The following AGAP1 variants were observed in gnomAD, a reference collection of about 807,000 sequenced individuals.
The protein encoded by AGAP1 is ArfGAP with GTPase domain, ankyrin repeat and PH domain 1.
A neutral mutation model predicts 105.3 loss-of-function variants in AGAP1; 29 were observed. The observed-to-expected ratio is 0.28, with a 90% CI of 0.21 to 0.38. The LOEUF (loss-of-function observed/expected upper bound fraction) is 0.38, where lower values mean the gene tolerates loss of function less well. AGAP1 is among the 10% of genes least tolerant of loss of function. The probability of loss-of-function intolerance (pLI) is 1.00; values close to 1 mark genes in which losing one functional copy is unlikely to be tolerated. For synonymous variants in AGAP1, 509 were observed against 485.9 expected (o/e 1.05, Z -0.63); for missense variants, 998 against 1,165.1 (o/e 0.86, Z 2.09).
At chr2:235,929,859 T>G (rs1340340875) in intron 11 of AGAP1, among the ~76,000 whole-genome samples, 4 of 152,248 alleles carry the variant, frequency 2.6e-5, no homozygotes, top group African/African-American at 9.6e-5. Context: ...GTATTTATTA[T>G]AAAATCCTGC....
rs568575622 is a variant in AGAP1 at position 235,970,095 on chromosome 2, G to A, written c.1645+1472G>A. ...CACATGCCTGTAATCCCAGCTACCT[G>A]AGAGGCTGAGGCAGGAGCATTGATT... On this transcript the variant is annotated intron_variant, in intron 13 of 17. Coordinates refer to ENST00000304032, the MANE Select transcript of AGAP1 (RefSeq NM_001037131.3). The surrounding 1 kb of genome is among the most constrained non-coding windows in gnomAD (Gnocchi z 5.4). Among the ~76,000 whole-genome samples the A allele has an allele frequency of 2.0e-5, 3 of 151,574 alleles. No homozygotes were observed. The highest frequency in any genetic ancestry group is 4.2e-4 in the South Asian group (2 of 4,754).
intron 5 of AGAP1, among the ~76,000 whole-genome samples, chr2:235,745,170 T>A (rs1317568657): frequency 6.6e-6 from 1 of 152,216 alleles, no homozygotes; most frequent in Non-Finnish European, 1.5e-5. Context: ...ATATATATAT[T>A]TTCTGCTATA....
At chr2:235,790,116 A>G (rs1163782605) in intron 6 of AGAP1, among the ~76,000 whole-genome samples, 3 of 152,194 alleles carry the variant, frequency 2.0e-5, no homozygotes, top group Admixed American at 2.0e-4. Flanking sequence ...GGCAAAAAAA[A>G]TGATGAAAGC....
chr2:235,662,517 ATTTTTT>A lies in AGAP1; in HGVS notation c.164-46648_164-46643del, dbSNP rs66689239. On this transcript the variant is annotated intron_variant, in intron 1 of 17. Coordinates refer to ENST00000304032, the MANE Select transcript of AGAP1 (RefSeq NM_001037131.3). This position sits in a 1 kb window ranked among gnomAD's most constrained non-coding sequence, Gnocchi z 4.2. The stretch of plus-strand genomic sequence containing the variant: ...CTGTCTGCCTTCATGGAAGTTGGTG[ATTTTTT>A]TTTTTTTTTTTTTGGCTCTGTTGCC... Among the ~76,000 whole-genome samples, 1 of 124,616 alleles carries A rather than the reference ATTTTTT, an allele frequency of 8.0e-6. No individual in the cohort carries two copies. 81.8% of individuals were successfully genotyped at this position (124,616 alleles called of 152,430 possible).
intron 13 of AGAP1, among the ~76,000 whole-genome samples, chr2:236,024,626 G>C (rs1034838268): frequency 6.6e-6 from 1 of 152,064 alleles, no homozygotes; most frequent in Non-Finnish European, 1.5e-5. Context: ...AATTGATGAC[G>C]GATTGGCCCA....
chr2:235,893,594 G>T lies in AGAP1; in HGVS notation c.1155+10145G>T, dbSNP rs972683296. ...GGTGCGCCGTGTCCGTCATGCAGAT[G>T]TGCCTTCATGGCCCTCCCTGATTCC... On this transcript the variant is annotated intron_variant, in intron 10 of 17. Coordinates refer to ENST00000304032, the MANE Select transcript of AGAP1 (RefSeq NM_001037131.3). This position sits in a 1 kb window ranked among gnomAD's most constrained non-coding sequence, Gnocchi z 4.7. Among the ~76,000 whole-genome samples the T allele has an allele frequency of 3.9e-5, 6 of 152,204 alleles. No individual in the cohort carries two copies. Among genetic ancestry groups the T allele is most frequent in the African/African-American group, 1.4e-4 (6 of 41,448 alleles).
At chr2:235,850,163 G>A (rs1042228880) in intron 9 of AGAP1, among the ~76,000 whole-genome samples, 4 of 152,160 alleles carry the variant, frequency 2.6e-5, no homozygotes, top group Non-Finnish European at 4.4e-5. Flanking sequence ...GTTAGTAACC[G>A]GACGACGTTA....
At chr2:236,081,386 C>T (rs377660740) in intron 16 of AGAP1, among the ~76,000 whole-genome samples, 3 of 152,162 alleles carry the variant, frequency 2.0e-5, no homozygotes, top group South Asian at 4.2e-4. Context: ...GGCCGGGGTG[C>T]GTGTCTGAAC....
chr2:235,791,834 A>G (rs115949359), intron 6 of AGAP1, among the ~76,000 whole-genome samples: 2 of 152,224 alleles, frequency 1.3e-5, no homozygotes, highest in Non-Finnish European at 2.9e-5. Flanking sequence ...GGTGTGAGCC[A>G]GCTCACCCAG....
rs959451427 is a variant in AGAP1, at chr2:235,692,187, C to T, written c.164-16992C>T. Among the ~76,000 whole-genome samples the T allele has an allele frequency of 1.3e-5, 2 of 152,112 alleles. No homozygotes were observed. Among genetic ancestry groups the T allele is most frequent in the African/African-American group, 4.8e-5 (2 of 41,434 alleles). On this transcript the variant is annotated intron_variant, in intron 1 of 17. Coordinates refer to ENST00000304032, the MANE Select transcript of AGAP1 (RefSeq NM_001037131.3). The surrounding 1 kb of genome is among the most constrained non-coding windows in gnomAD (Gnocchi z 5.8). ...GCCGGGGGCTCCCTGGCAGATGCCC[C>T]TACCTGGCCAGGTCTCGTCGTGTCT...
chr2:235,827,701 G>A (rs916857362), intron 9 of AGAP1, among the ~76,000 whole-genome samples: 20 of 152,148 alleles, frequency 1.3e-4, no homozygotes, highest in African/African-American at 4.8e-4. Flanking sequence ...AATCGTCACC[G>A]GCATTGAACT....
chr2:235,671,027 G>T (rs1191650524), intron 1 of AGAP1: 3 of 1,301,050 alleles, frequency 2.3e-6, no homozygotes, highest in African/African-American at 3.1e-5. Context: ...CTCGTCCAGC[G>T]CCGAGAGCAT....
intron 4 of AGAP1, among the ~76,000 whole-genome samples, chr2:235,743,027 C>T (rs1202324944): frequency 5.9e-5 from 9 of 152,222 alleles, no homozygotes; most frequent in Admixed American, 1.3e-4. Flanking sequence ...ATTAGCCAGG[C>T]GTGGTGGCAC....
chr2:235,915,262 T>C (rs998495292), intron 11 of AGAP1, among the ~76,000 whole-genome samples: 45 of 152,302 alleles, frequency 3.0e-4, no homozygotes, highest in African/African-American at 1.1e-3. Context: ...GAAGGATAAC[T>C]GATCTTAGTA....
At chr2:235,523,503 G>C (rs1227760087) in intron 1 of AGAP1, among the ~76,000 whole-genome samples, 2 of 152,166 alleles carry the variant, frequency 1.3e-5, no homozygotes, top group African/African-American at 4.8e-5. Context: ...TGCCTGGCAG[G>C]GTCAGCTGCT....
chr2:235,732,291 T>TC lies in AGAP1; in HGVS notation c.311-8671dup, dbSNP rs1951996279. 6.6e-6 allele frequency among the ~76,000 whole-genome samples: 1 copy of TC among 152,234 alleles called. No individual in the cohort carries two copies. The highest frequency in any genetic ancestry group is 2.1e-4 in the South Asian group (1 of 4,828). On this transcript the variant is annotated intron_variant, in intron 3 of 17. Transcript: ENST00000304032. This position sits in a 1 kb window ranked among gnomAD's most constrained non-coding sequence, Gnocchi z 4.8. Reference sequence around the variant, plus strand: ...TTTAATCTCATTGACTGTGTCTGTTTCAAGCCATTCCTCTGTGTCAGAAAC... The same window carrying TC: ...TTTAATCTCATTGACTGTGTCTGTTTCCAAGCCATTCCTCTGTGTCAGAAAC...
chr2:235,670,912 C>T lies in AGAP1; in HGVS notation c.164-38267C>T, dbSNP rs1049712351. On this transcript the variant is annotated intron_variant, in intron 1 of 17. Transcript: ENST00000304032. ...GGCTGCTGCGCTTCTTCAGCGGCAT[C>T]TTCGCGCGCAGGGACGGGGGCCCGG... 19 of 1,340,146 alleles carry T rather than the reference C, an allele frequency of 1.4e-5. No homozygotes were observed. The African/African-American group carries it at 2.1e-4, about 15-fold the overall frequency. The allele number at this position is 1,340,146 out of a possible 1,614,324, so 83.0% of individuals were successfully genotyped here.
chr2:235,797,070 C>G (rs1402227425), intron 6 of AGAP1, among the ~76,000 whole-genome samples: 3 of 152,076 alleles, frequency 2.0e-5, no homozygotes, highest in Admixed American at 2.0e-4. Context: ...ATAATTACAT[C>G]TCCTTGAATA....
chr2:235,562,581 T>C (rs1186901611), intron 1 of AGAP1, among the ~76,000 whole-genome samples: 1 of 152,142 alleles, frequency 6.6e-6, no homozygotes, highest in Non-Finnish European at 1.5e-5. Context: ...CCTGGCAGAC[T>C]CAGGACTATC....
Sources: gnomAD v4.1 joint callset for allele counts (sites outside exome capture counted in the v4.1 genomes callset) on GRCh38, gnomAD v4.1.1 for gene constraint, Gnocchi (gnomAD v3.1) non-coding constraint, MANE v1.5 for transcripts, NCBI Gene and HGNC (gene_info 2026-07-23, HGNC 2026-07-21) for gene names.